EVI5: variants seen among roughly 807,000 people sequenced by gnomAD.
The protein encoded by EVI5 is ecotropic viral integration site 5 protein homolog.
EVI5 carries 73 observed loss-of-function variants against 112.0 expected under a neutral mutation model. The observed-to-expected ratio is 0.65, with a 90% confidence interval of 0.54 to 0.79. The LOEUF (loss-of-function observed/expected upper bound fraction) is 0.79, where lower values mean the gene tolerates loss of function less well. Ranked by LOEUF, EVI5 falls within the 30% of genes least tolerant of loss-of-function variation. The pLI, the probability that EVI5 is intolerant of heterozygous loss-of-function variation, is 0.00. For synonymous variants in EVI5, 305 were observed against 319.9 expected (o/e 0.95, Z 0.50); for missense variants, 900 against 968.8 (o/e 0.93, Z 0.94).
chr1:92,727,006 GAC>G (rs1246427980), intron 2 of EVI5, among the ~76,000 whole-genome samples: 4 of 151,976 alleles, frequency 2.6e-5, no homozygotes, highest in Admixed American at 2.0e-4. Flanking sequence ...AACAATATAA[GAC>G]AAGTTTAAAT....
chr1:92,605,252 A>C (rs899586851), intron 18 of EVI5, 55 bp downstream of exon 18: 222 of 1,146,778 alleles, frequency 1.9e-4, no homozygotes, highest in Middle Eastern at 1.9e-4. Flanking sequence ...TGTTCAGACA[A>C]AGAGGATAGA....
chr1:92,533,602 T>C (rs1051594421), intron 19 of EVI5, among the ~76,000 whole-genome samples: 3 of 152,166 alleles, frequency 2.0e-5, no homozygotes, highest in Non-Finnish European at 4.4e-5. Context: ...GTCAGTTTCA[T>C]CCCAGGGATG....
chr1:92,567,744 A>G (rs1669717938), intron 18 of EVI5, among the ~76,000 whole-genome samples: 1 of 152,246 alleles, frequency 6.6e-6, no homozygotes, highest in South Asian at 2.1e-4. Flanking sequence ...GCATAACTGC[A>G]TATTTACACA....
At position 92,703,422 on chromosome 1, in the gene EVI5, T is replaced by A. The variant is rs1272795764; in HGVS notation, c.537A>T (p.Gly179=). Residue 179 remains glycine (G), a synonymous_variant, in exon 4 of 20, where the codon GGA becomes GGT. Coordinates refer to ENST00000684568, the MANE Select transcript of EVI5 (RefSeq NM_001350197.2). ...HNFFKEKDSL[G]QEVLFNVMKA... is the part of the protein sequence containing the mutation. ...TCATTACATTAAATAAAACCTCCTG[T>A]CCAAGGCTATCTTTTTCCTTAAAAA... The A allele has an allele frequency of 6.3e-7, 1 of 1,581,286 alleles. No homozygotes were observed. The highest frequency in any genetic ancestry group is 2.0e-5 in the Admixed American group (1 of 50,652).
chr1:92,774,472 A>G (rs80309044), intron 1 of EVI5, among the ~76,000 whole-genome samples: 2,262 of 152,276 alleles, frequency 0.015, 66 homozygotes, highest in African/African-American at 0.051. Context: ...TTGAGCACCA[A>G]CTCAGACAAA....
chr1:92,624,130 A>G, intron 16 of EVI5, 46 bp downstream of exon 16: 1 of 1,495,176 alleles, frequency 6.7e-7, no homozygotes, highest in South Asian at 1.1e-5. Flanking sequence ...CAAACCCTTG[A>G]TCAGCTAATG....
chr1:92,602,312 T>A (rs1649344893), intron 18 of EVI5, among the ~76,000 whole-genome samples: 1 of 152,194 alleles, frequency 6.6e-6, no homozygotes, highest in South Asian at 2.1e-4. Context: ...AAACATAGTA[T>A]TTTGTCCATA....
intron 19 of EVI5, among the ~76,000 whole-genome samples, chr1:92,524,592 A>G (rs1661526862): frequency 6.6e-6 from 1 of 152,164 alleles, no homozygotes; most frequent in African/African-American, 2.4e-5. Flanking sequence ...TCATCACTGA[A>G]GCGCACCACC....
intron 1 of EVI5, among the ~76,000 whole-genome samples, chr1:92,765,633 T>C (rs1199988199): frequency 6.6e-6 from 1 of 152,134 alleles, no homozygotes; most frequent in Non-Finnish European, 1.5e-5. Flanking sequence ...ATTCTTTTTA[T>C]AATCAAATTC....
At chr1:92,560,122 T>C (rs1361142759) in intron 19 of EVI5, among the ~76,000 whole-genome samples, 1 of 152,182 alleles carries the variant, frequency 6.6e-6, no homozygotes, top group African/African-American at 2.4e-5. Flanking sequence ...AGCAATGTTC[T>C]TAACAGACCA....
At chr1:92,636,566 A>G (rs1051498302) in intron 13 of EVI5, among the ~76,000 whole-genome samples, 1 of 152,198 alleles carries the variant, frequency 6.6e-6, no homozygotes, top group Non-Finnish European at 1.5e-5. Context: ...TTTGGTAACT[A>G]GTTATTACGC....
At chr1:92,597,740 C>T (rs568906558) in intron 18 of EVI5, among the ~76,000 whole-genome samples, 14 of 152,242 alleles carry the variant, frequency 9.2e-5, no homozygotes, top group African/African-American at 3.4e-4. Context: ...CGGTTATGTA[C>T]CAGACATTAT....
At chr1:92,581,693 T>A (rs1571682142) in intron 18 of EVI5, among the ~76,000 whole-genome samples, 3 of 148,776 alleles carry the variant, frequency 2.0e-5, no homozygotes, top group African/African-American at 4.9e-5. Context: ...AGTTTTTGCT[T>A]AAAAAAAAAA....
At chr1:92,623,654 G>A (rs1395958205) in intron 16 of EVI5, among the ~76,000 whole-genome samples, 2 of 152,230 alleles carry the variant, frequency 1.3e-5, no homozygotes, top group East Asian at 3.8e-4. Context: ...TCACATTATA[G>A]TATACATCTG....
chr1:92,529,353 T>C (rs1294263376), intron 19 of EVI5, among the ~76,000 whole-genome samples: 1 of 151,964 alleles, frequency 6.6e-6, no homozygotes, highest in African/African-American at 2.4e-5. Context: ...ACTCTCATCT[T>C]ACCAGATTTC....
At chr1:92,645,623 TAAAG>T (rs1380398658) in intron 13 of EVI5, among the ~76,000 whole-genome samples, 2 of 152,156 alleles carry the variant, frequency 1.3e-5, no homozygotes, top group Admixed American at 6.5e-5. Context: ...TAGAGGAACA[TAAAG>T]AACCTTATGT....
At chr1:92,556,589 TG>T (rs1228554125) in intron 19 of EVI5, among the ~76,000 whole-genome samples, 4 of 152,300 alleles carry the variant, frequency 2.6e-5, no homozygotes, top group Admixed American at 6.5e-5. Context: ...CTACTGACAA[TG>T]TTAAGTGAGG....
chr1:92,563,252 A>G (rs1055230988), intron 19 of EVI5, among the ~76,000 whole-genome samples: 1 of 152,196 alleles, frequency 6.6e-6, no homozygotes, highest in Non-Finnish European at 1.5e-5. Flanking sequence ...AGAAGACAAG[A>G]GTAAAAAGAC....
chr1:92,642,983 T>C (rs1315511104), intron 13 of EVI5, among the ~76,000 whole-genome samples: 3 of 152,196 alleles, frequency 2.0e-5, no homozygotes, highest in Non-Finnish European at 2.9e-5. Flanking sequence ...ACCTGAATGA[T>C]AAGTAGTCAT....
Sources: gnomAD v4.1 joint callset for allele counts (sites outside exome capture counted in the v4.1 genomes callset) on GRCh38, gnomAD v4.1.1 for gene constraint, MANE v1.5 for transcripts, NCBI Gene and HGNC (gene_info 2026-07-23, HGNC 2026-07-21) for gene names.